Variants in ARHGAP22 observed in about 807,000 individuals in gnomAD.
ARHGAP22 encodes the protein rho GTPase-activating protein 22.
In ARHGAP22, 48 loss-of-function variants were observed where a neutral mutation model predicts 59.1. The observed-to-expected ratio is 0.81, with a 90% confidence interval of 0.64 to 1.03. The LOEUF (loss-of-function observed/expected upper bound fraction) is 1.03, where lower values mean the gene tolerates loss of function less well. ARHGAP22 is among the 50% of genes least tolerant of loss of function. The pLI, the probability that ARHGAP22 is intolerant of heterozygous loss-of-function variation, is 0.00. For synonymous variants in ARHGAP22, 445 were observed against 416.4 expected (o/e 1.07, Z -0.84); for missense variants, 1,015 against 958.7 (o/e 1.06, Z -0.78).
chr10:48,504,988 T>G (rs2051939109), intron 3 of ARHGAP22, among the ~76,000 whole-genome samples: 1 of 152,136 alleles, frequency 6.6e-6, no homozygotes, highest in Non-Finnish European at 1.5e-5. Flanking sequence ...AAGCAAGCAA[T>G]GGGGAGAGGG....
At chr10:48,535,934 G>A (rs576196631) in intron 3 of ARHGAP22, among the ~76,000 whole-genome samples, 21 of 152,336 alleles carry the variant, frequency 1.4e-4, no homozygotes, top group Middle Eastern at 3.4e-3. Flanking sequence ...TGGAGGGGCG[G>A]GAATTGGGAG....
In ARHGAP22 at chr10:48,554,333, G is replaced by A. The variant is rs57931448; in HGVS notation, c.322+1130C>T. On this transcript the variant is annotated intron_variant, in intron 3 of 9. Transcript: ENST00000249601. ...GGCCTGAGCCTGGGGTGCTCCCTCAGTGGACAGCCAATAGATCATTTCTCA... is the reference window on the plus strand; with the variant it reads ...GGCCTGAGCCTGGGGTGCTCCCTCAATGGACAGCCAATAGATCATTTCTCA... 3.8e-4 allele frequency among the ~76,000 whole-genome samples: 58 copies of A among 152,278 alleles called. 4 individuals are homozygous for A. The East Asian group carries it at 0.011, about 29-fold the overall frequency.
intron 2 of ARHGAP22, among the ~76,000 whole-genome samples, chr10:48,574,373 A>G (rs1053095637): frequency 2.6e-5 from 4 of 152,252 alleles, no homozygotes; most frequent in South Asian, 2.1e-4. Flanking sequence ...GGTTTATGAT[A>G]TAGAATGGAG....
rs188360870 is a variant in ARHGAP22 at position 48,593,544 on chromosome 10, C to T, written c.35-10392G>A. 4.0e-4 allele frequency among the ~76,000 whole-genome samples: 61 copies of T among 152,342 alleles called. No individual in the cohort carries two copies. In the East Asian group the frequency reaches 0.011, roughly 28 times the overall value. ...AAGTAAAGTAAGGGTTACTGGAAGA[C>T]AAACACTGTGATACAGCGACAGTGC... On this transcript the variant is annotated intron_variant, in intron 1 of 9. Coordinates refer to ENST00000249601, the MANE Select transcript of ARHGAP22 (RefSeq NM_021226.4).
intron 3 of ARHGAP22, among the ~76,000 whole-genome samples, chr10:48,500,969 A>G (rs982533580): frequency 2.0e-5 from 3 of 152,096 alleles, no homozygotes; most frequent in Non-Finnish European, 4.4e-5. Context: ...GAAATTTTGT[A>G]TAAAATTTTG....
chr10:48,498,020 C>G (rs2051119213), intron 3 of ARHGAP22, among the ~76,000 whole-genome samples: 1 of 152,142 alleles, frequency 6.6e-6, no homozygotes, highest in Admixed American at 6.5e-5. Flanking sequence ...CTGTCTATCC[C>G]TTAGAGTTGC....
chr10:48,625,693 TACACACACACACACACACAC>T (rs56897057), intron 1 of ARHGAP22, among the ~76,000 whole-genome samples: 14 of 138,880 alleles, frequency 1.0e-4, no homozygotes, highest in Non-Finnish European at 1.7e-4. Context: ...CTGCAACGTG[TACACACACACACACACACAC>T]ACACACACAC....
Position 48,453,449 on chromosome 10 carries a change from C to A in ARHGAP22, c.867-24G>T. ...ACCTGCAAAGTAAGGAAGCAGCAGT[C>A]ATCAAAGAAGCAAGTTGTGATGCCC... On this transcript the variant is annotated intron_variant, in intron 7 of 9. Coordinates refer to ENST00000249601, the MANE Select transcript of ARHGAP22 (RefSeq NM_021226.4). 1.9e-6 allele frequency: 3 copies of A among 1,612,568 alleles called. No homozygotes were observed. In the South Asian group the frequency reaches 3.3e-5, roughly 18 times the overall value.
intron 4 of ARHGAP22, among the ~76,000 whole-genome samples, chr10:48,467,574 GAATAT>G (rs1267564054): frequency 6.6e-6 from 1 of 152,058 alleles, no homozygotes; most frequent in Admixed American, 6.6e-5. Flanking sequence ...AGTGAGTCCG[GAATAT>G]AATACTTGAA....
downstream of ARHGAP22, chr10:48,445,037 C>G (rs568798061): frequency 1.3e-5 from 2 of 152,408 alleles, no homozygotes; most frequent in African/African-American, 2.4e-5. Flanking sequence ...TCCTGGTGGA[C>G]GAGCCCCTGG....
intron 4 of ARHGAP22, among the ~76,000 whole-genome samples, chr10:48,462,124 T>C (rs1237461084): frequency 6.6e-6 from 1 of 152,026 alleles, no homozygotes; most frequent in African/African-American, 2.4e-5. Context: ...TGTACGCACA[T>C]GTGTGCATGT....
downstream of ARHGAP22, chr10:48,445,211 A>G (rs2045296775): frequency 6.6e-6 from 1 of 152,248 alleles, no homozygotes; most frequent in Admixed American, 6.5e-5. Flanking sequence ...CTGACTCTAG[A>G]TGGAGCTCGT....
At chr10:48,589,328 T>A (rs1284664410) in intron 1 of ARHGAP22, among the ~76,000 whole-genome samples, 1 of 152,076 alleles carries the variant, frequency 6.6e-6, no homozygotes, top group African/African-American at 2.4e-5. Context: ...TTCTTTCCGC[T>A]TCCCCAGCCT....
chr10:48,579,628 G>T (rs1075810), intron 2 of ARHGAP22, among the ~76,000 whole-genome samples: 61,676 of 152,112 alleles, frequency 0.41, 13,387 homozygotes, highest in Non-Finnish European at 0.49. Flanking sequence ...GAGGGGAAGA[G>T]ATAGGGCTTT....
At position 48,451,086 on chromosome 10, in the gene ARHGAP22, A is replaced by T. The variant is rs1262771769; in HGVS notation, c.1043T>A (p.Leu348His). Reference sequence around the variant, plus strand: ...CCCTTCCGGGACCGGTGCCGTGAAGAGCTGGCTGTGTTTGCGGATGAGGAC... The same window carrying T: ...CCCTTCCGGGACCGGTGCCGTGAAGTGCTGGCTGTGTTTGCGGATGAGGAC... ...MTVLIRKHSQ[L>H]FTAPVPEGPT... is the part of the protein sequence containing the mutation. The change falls in exon 9 of 10, where the codon CTC (leucine) becomes CAC (histidine). Residue 348 changes from leucine (L) to histidine (H), a missense_variant. Leu to His is a moderately conservative substitution (Grantham distance 99, BLOSUM62 -3). Coordinates refer to ENST00000249601, the MANE Select transcript of ARHGAP22 (RefSeq NM_021226.4). 6.4e-7 allele frequency: 1 copy of T among 1,552,924 alleles called. No homozygotes were observed. Among genetic ancestry groups the T allele is most frequent in the Non-Finnish European group, 8.7e-7 (1 of 1,148,194 alleles).
intron 1 of ARHGAP22, among the ~76,000 whole-genome samples, chr10:48,631,927 G>T (rs1192798359): frequency 6.6e-6 from 1 of 152,030 alleles, no homozygotes; most frequent in Non-Finnish European, 1.5e-5. Flanking sequence ...GTTTTTGTTT[G>T]TCTGGGAAAG....
intron 3 of ARHGAP22, among the ~76,000 whole-genome samples, chr10:48,538,134 C>A: frequency 6.6e-6 from 1 of 152,264 alleles, no homozygotes; most frequent in South Asian, 2.1e-4. Context: ...GCTCTAAAGG[C>A]TTGAGGGAGG....
At chr10:48,620,622 C>T (rs2061251864) in intron 1 of ARHGAP22, among the ~76,000 whole-genome samples, 1 of 152,206 alleles carries the variant, frequency 6.6e-6, no homozygotes, top group Admixed American at 6.5e-5. Flanking sequence ...ACTATACCAC[C>T]TTGTACTGCT....
At chr10:48,448,760 T>A (rs1311342046) in intron 9 of ARHGAP22, among the ~76,000 whole-genome samples, 1 of 152,222 alleles carries the variant, frequency 6.6e-6, no homozygotes, top group African/African-American at 2.4e-5. Context: ...CAGACCACTC[T>A]GCTAGCGAGT....
Sources: allele counts gnomAD v4.1 joint callset (sites outside exome capture counted in the v4.1 genomes callset), GRCh38; gene constraint gnomAD v4.1.1; transcripts MANE v1.5; gene names NCBI Gene and HGNC (gene_info 2026-07-23, HGNC 2026-07-21).